Variants in LRMDA observed in about 807,000 individuals in gnomAD.
LRMDA encodes the protein leucine-rich melanocyte differentiation-associated protein.
LRMDA carries 18 observed loss-of-function variants against 29.8 expected under a neutral mutation model. The ratio of observed to expected loss-of-function variants is 0.60; its 90% CI spans 0.42 to 0.90. The LOEUF (loss-of-function observed/expected upper bound fraction) is 0.90, where lower values mean the gene tolerates loss of function less well. LRMDA is among the 40% of genes least tolerant of loss of function. LRMDA has a pLI of 0.00. For missense variants in LRMDA, 273 were observed against 273.9 expected (o/e 1.00, Z 0.02); for synonymous variants, 125 against 109.4 (o/e 1.14, Z -0.89).
intron 5 of LRMDA, among the ~76,000 whole-genome samples, chr10:76,285,974 A>G (rs1441843480): frequency 6.6e-6 from 1 of 152,196 alleles, no homozygotes; most frequent in Non-Finnish European, 1.5e-5. Flanking sequence ...TATTCTGGAT[A>G]TGTGGGACTG....
Position 75,566,041 on chromosome 10 carries a change from C to G in LRMDA, c.131+127547C>G, listed in dbSNP as rs1038277822. On this transcript the variant is annotated intron_variant, in intron 2 of 6. Transcript: ENST00000611255. ...AGTGAACTGAGATCATGCCACTGCA[C>G]TGCAGCCTGGGTGACAGAGTGAGAT... is the stretch of plus-strand genomic sequence containing the variant. 2.0e-5 allele frequency among the ~76,000 whole-genome samples: 3 copies of G among 152,304 alleles called. No individual in the cohort carries two copies. The South Asian group carries it at 6.2e-4, about 32-fold the overall frequency.
intron 2 of LRMDA, among the ~76,000 whole-genome samples, chr10:75,617,089 C>T (rs986964234): frequency 4.6e-5 from 7 of 152,164 alleles, no homozygotes; most frequent in Non-Finnish European, 2.9e-5. Context: ...AAAAGGCACT[C>T]TGTAGCTTTA....
At chr10:76,549,058 A>G (rs375029629) in intron 6 of LRMDA, among the ~76,000 whole-genome samples, 1 of 152,136 alleles carries the variant, frequency 6.6e-6, no homozygotes, top group Non-Finnish European at 1.5e-5. Flanking sequence ...GACAGACTAT[A>G]TGAGGAACTT....
intron 2 of LRMDA, among the ~76,000 whole-genome samples, chr10:75,646,296 C>T (rs553432568): frequency 1.3e-3 from 204 of 152,048 alleles, no homozygotes; most frequent in Non-Finnish European, 2.2e-3. Flanking sequence ...GATGAACTGC[C>T]GTCTGCCAGC....
At chr10:75,494,179 T>C (rs1340695786) in intron 2 of LRMDA, among the ~76,000 whole-genome samples, 1 of 152,218 alleles carries the variant, frequency 6.6e-6, no homozygotes, top group Non-Finnish European at 1.5e-5. Context: ...CCATGTTTCT[T>C]TCCGCCTAAT....
intron 2 of LRMDA, among the ~76,000 whole-genome samples, chr10:75,933,937 T>C (rs1178471629): frequency 6.6e-6 from 1 of 152,200 alleles, no homozygotes; most frequent in South Asian, 2.1e-4. Flanking sequence ...AAAGGTAATA[T>C]ACTGCACAGC....
chr10:76,310,223 A>G (rs920624272), intron 5 of LRMDA, among the ~76,000 whole-genome samples: 6 of 152,194 alleles, frequency 3.9e-5, no homozygotes, highest in Admixed American at 6.5e-5. Context: ...CAGTAGTCCA[A>G]AAATAATGTC....
intron 2 of LRMDA, among the ~76,000 whole-genome samples, chr10:75,923,466 T>G (rs12572234): frequency 0.19 from 29,096 of 152,022 alleles, 3,114 homozygotes; most frequent in East Asian, 0.34. Context: ...GGAGAGGAAC[T>G]CCATAGGAGA....
intron 6 of LRMDA, among the ~76,000 whole-genome samples, chr10:76,370,803 TG>T (rs1391569510): frequency 3.3e-5 from 5 of 151,980 alleles, no homozygotes; most frequent in Non-Finnish European, 7.4e-5. Context: ...ATATCATTTT[TG>T]TACTGTAGTA....
At chr10:76,410,721 A>T (rs1258803722) in intron 6 of LRMDA, among the ~76,000 whole-genome samples, 1 of 152,102 alleles carries the variant, frequency 6.6e-6, no homozygotes, top group Non-Finnish European at 1.5e-5. Flanking sequence ...TGGGAGGCCA[A>T]GGGGGGTGGA....
chr10:76,341,424 A>T (rs552055711), intron 6 of LRMDA, among the ~76,000 whole-genome samples: 1 of 152,360 alleles, frequency 6.6e-6, no homozygotes, highest in Admixed American at 6.5e-5. Context: ...CAAAATTATT[A>T]AGGTAGATTT....
intron 2 of LRMDA, among the ~76,000 whole-genome samples, chr10:75,529,949 A>G (rs1460707947): frequency 6.6e-6 from 1 of 152,186 alleles, no homozygotes; most frequent in Non-Finnish European, 1.5e-5. Flanking sequence ...ATCAAGGGAC[A>G]TGGAGGAAAA....
At chr10:75,648,395 A>G (rs1410617578) in intron 2 of LRMDA, among the ~76,000 whole-genome samples, 4 of 152,170 alleles carry the variant, frequency 2.6e-5, no homozygotes. Context: ...TTGAGAATCA[A>G]AGAAAACCCG....
chr10:75,634,922 G>T lies in LRMDA; in HGVS notation c.131+196428G>T, dbSNP rs979475662. On this transcript the variant is annotated intron_variant, in intron 2 of 6. Coordinates refer to ENST00000611255, the MANE Select transcript of LRMDA (RefSeq NM_001305581.2). Reference sequence around the variant, plus strand: ...GAAAACTATAAAACATTACTGAAAAGGTGAAAGAAGATGAAAAAAGGATGA... The same window carrying T: ...GAAAACTATAAAACATTACTGAAAATGTGAAAGAAGATGAAAAAAGGATGA... 3.9e-5 allele frequency among the ~76,000 whole-genome samples: 6 copies of T among 152,036 alleles called. No homozygotes were observed. The East Asian group carries it at 5.8e-4, about 15-fold the overall frequency.
In LRMDA at chr10:75,776,571, A is replaced by T. The variant is rs529280635; in HGVS notation, c.132-259437A>T. On this transcript the variant is annotated intron_variant, in intron 2 of 6. Coordinates refer to ENST00000611255, the MANE Select transcript of LRMDA (RefSeq NM_001305581.2). ...GTATCCCTGTAATATTTTCAGTGCT[A>T]TTTTGGGATTCATATTTGTATCAGT... is the stretch of plus-strand genomic sequence containing the variant. Among the ~76,000 whole-genome samples, 11 of 152,236 alleles carry T rather than the reference A, an allele frequency of 7.2e-5. No homozygotes were observed. In the South Asian group the frequency reaches 2.1e-3, roughly 29 times the overall value.
At chr10:75,841,619 T>C (rs978293576) in intron 2 of LRMDA, among the ~76,000 whole-genome samples, 1 of 152,222 alleles carries the variant, frequency 6.6e-6, no homozygotes, top group African/African-American at 2.4e-5. Context: ...TGGTAACTTA[T>C]GTTCAAGCCT....
intron 5 of LRMDA, among the ~76,000 whole-genome samples, chr10:76,316,689 T>C (rs1308761589): frequency 6.6e-6 from 1 of 152,210 alleles, no homozygotes; most frequent in Non-Finnish European, 1.5e-5. Context: ...GCCAGAAATG[T>C]GATGTACACA....
chr10:76,376,265 T>G (rs1238290006), intron 6 of LRMDA, among the ~76,000 whole-genome samples: 1 of 152,156 alleles, frequency 6.6e-6, no homozygotes, highest in African/African-American at 2.4e-5. Flanking sequence ...ACATTCTGAG[T>G]TATTTAACTT....
At chr10:76,285,278 T>A (rs1236439859) in intron 5 of LRMDA, among the ~76,000 whole-genome samples, 1 of 152,118 alleles carries the variant, frequency 6.6e-6, no homozygotes, top group Admixed American at 6.6e-5. Flanking sequence ...TTGCTCTTTA[T>A]GAAGTCACAA....
Sources: allele counts gnomAD v4.1 joint callset (sites outside exome capture counted in the v4.1 genomes callset), GRCh38; gene constraint gnomAD v4.1.1; transcripts MANE v1.5; gene names NCBI Gene and HGNC (gene_info 2026-07-23, HGNC 2026-07-21).